Variants in MCC observed in about 807,000 individuals in gnomAD.
MCC encodes the protein MCC regulator of Wnt signaling pathway, also known as colorectal mutant cancer protein.
Under a neutral mutation model 116.2 loss-of-function variants are expected in MCC, and 90 were observed. That is an observed-to-expected ratio of 0.77 (90% confidence interval 0.65 to 0.92). The LOEUF (loss-of-function observed/expected upper bound fraction) is 0.92, where lower values mean the gene tolerates loss of function less well. Among genes scored for constraint, MCC ranks in the 40% least tolerant of loss-of-function variants. The pLI is 0.00. For synonymous variants in MCC, 578 were observed against 510.5 expected (o/e 1.13, Z -1.78); for missense variants, 1,516 against 1,312.2 (o/e 1.16, Z -2.40).
Position 113,049,206 on chromosome 5 carries a change from G to T in MCC, c.2542C>A (p.Gln848Lys). ...LKLSTREAQE[Q>K]AYLVHIEHLK... is the part of the protein sequence containing the mutation. ...TGCTCAATGTGCACCAGGTAGGCCTGCTCCTGGGCCTCCCGCGTGCTCAGC... is the reference window on the plus strand; with the variant it reads ...TGCTCAATGTGCACCAGGTAGGCCTTCTCCTGGGCCTCCCGCGTGCTCAGC... Residue 848 changes from glutamine to lysine, a missense_variant, in exon 16 of 19, where the codon CAG (glutamine) becomes AAG (lysine). By Grantham distance (53) the Gln-to-Lys change is moderately conservative. Transcript: ENST00000408903. 2.5e-6 allele frequency: 4 copies of T among 1,614,164 alleles called. No individual in the cohort carries two copies. The highest frequency in any genetic ancestry group is 3.4e-6 in the Non-Finnish European group (4 of 1,180,024).
At chr5:113,080,704 A>T (rs957235588) in intron 11 of MCC, among the ~76,000 whole-genome samples, 1 of 152,040 alleles carries the variant, frequency 6.6e-6, no homozygotes, top group Non-Finnish European at 1.5e-5. Flanking sequence ...CCTAATGTAA[A>T]TGATGAGTTG....
chr5:113,134,935 C>A (rs1477613277), intron 5 of MCC, among the ~76,000 whole-genome samples: 1 of 137,244 alleles, frequency 7.3e-6, no homozygotes, highest in Admixed American at 8.2e-5. Context: ...TTGTAGAGAA[C>A]TTTTACTTCT....
In MCC at chr5:113,209,361, G is replaced by A. The variant is rs191883421; in HGVS notation, c.628-57939C>T. On this transcript the variant is annotated intron_variant, in intron 3 of 18. Coordinates refer to ENST00000408903, the MANE Select transcript of MCC (RefSeq NM_001085377.2). ...ATTGTCATATATCAATGGCTCCCCA[G>A]TCAGTCATGCTCTGCCTAAGCAACA... 9.8e-4 allele frequency among the ~76,000 whole-genome samples: 149 copies of A among 152,272 alleles called. 1 individual carries two copies. The highest frequency in any genetic ancestry group is 3.5e-3 in the African/African-American group (147 of 41,530).
intron 1 of MCC, among the ~76,000 whole-genome samples, chr5:113,463,359 T>A (rs891968518): frequency 6.6e-6 from 1 of 152,114 alleles, no homozygotes; most frequent in South Asian, 2.1e-4. Flanking sequence ...AAAGGAGAGA[T>A]GGGAAGGCCA....
intron 3 of MCC, among the ~76,000 whole-genome samples, chr5:113,163,225 A>G (rs923194817): frequency 1.3e-5 from 2 of 152,224 alleles, no homozygotes; most frequent in Non-Finnish European, 2.9e-5. Context: ...TCTCAATAGT[A>G]CAAAAGAGAG....
chr5:113,486,248 T>C (rs1248311683), intron 1 of MCC, among the ~76,000 whole-genome samples: 1 of 152,220 alleles, frequency 6.6e-6, no homozygotes, highest in Non-Finnish European at 1.5e-5. Flanking sequence ...TTACTACACA[T>C]ACCTTGAAAC....
chr5:113,155,123 A>G (rs751323119), intron 3 of MCC, among the ~76,000 whole-genome samples: 1 of 152,158 alleles, frequency 6.6e-6, no homozygotes, highest in Non-Finnish European at 1.5e-5. Context: ...AGTATGAGTA[A>G]GATCATGTGA....
intron 3 of MCC, among the ~76,000 whole-genome samples, chr5:113,176,378 T>A (rs973256394): frequency 6.6e-6 from 1 of 152,236 alleles, no homozygotes; most frequent in Non-Finnish European, 1.5e-5. Context: ...TGAAAAGTTA[T>A]CTCTTGCAGC....
At chr5:113,068,885 A>G (rs1753819292) in intron 12 of MCC, among the ~76,000 whole-genome samples, 1 of 152,182 alleles carries the variant, frequency 6.6e-6, no homozygotes, top group Admixed American at 6.5e-5. Context: ...CTGAACCAGA[A>G]CCACCTACTA....
chr5:113,397,996 A>C (rs1477711070), intron 1 of MCC, among the ~76,000 whole-genome samples: 3 of 152,222 alleles, frequency 2.0e-5, no homozygotes, highest in African/African-American at 7.2e-5. Flanking sequence ...TGAGCAAAAA[A>C]CAAATAACTT....
At chr5:113,346,467 G>T (rs1768135070) in intron 2 of MCC, among the ~76,000 whole-genome samples, 1 of 152,058 alleles carries the variant, frequency 6.6e-6, no homozygotes, top group South Asian at 2.1e-4. Context: ...CAGGCGTAGT[G>T]GTGGGCACCT....
chr5:113,093,343 C>T (rs568609646), intron 8 of MCC, among the ~76,000 whole-genome samples: 3 of 152,242 alleles, frequency 2.0e-5, no homozygotes, highest in African/African-American at 7.2e-5. Flanking sequence ...GCTTGCTATG[C>T]AGGAGGATCG....
Position 113,026,872 on chromosome 5 carries a change from A to T in MCC, c.*430T>A, listed in dbSNP as rs1210350289. 2 of 158,364 alleles carry T rather than the reference A, an allele frequency of 1.3e-5. No homozygotes were observed. The highest frequency in any genetic ancestry group is 1.3e-4 in the Admixed American group (2 of 15,724). 9.8% of individuals were successfully genotyped at this position (158,364 alleles called of 1,614,324 possible). ...GCACACACAGGTCTGTTTTCCCATG[A>T]AGCAGGAGGAAAGAGGAGAAACGAG... On this transcript the variant is annotated 3_prime_UTR_variant, in exon 19 of 19. Coordinates refer to ENST00000408903, the MANE Select transcript of MCC (RefSeq NM_001085377.2).
At chr5:113,118,521 G>C (rs1166155548) in intron 6 of MCC, among the ~76,000 whole-genome samples, 1 of 152,194 alleles carries the variant, frequency 6.6e-6, no homozygotes, top group Non-Finnish European at 1.5e-5. Flanking sequence ...TCTGATGGGT[G>C]GTTATGAAAA....
At chr5:113,131,185 T>G (rs1314231198) in intron 5 of MCC, among the ~76,000 whole-genome samples, 1 of 152,208 alleles carries the variant, frequency 6.6e-6, no homozygotes, top group Non-Finnish European at 1.5e-5. Flanking sequence ...TGAGAGTAGC[T>G]TATAGAAAAG....
chr5:113,170,464 G>A (rs937577200), intron 3 of MCC, among the ~76,000 whole-genome samples: 13 of 151,952 alleles, frequency 8.6e-5, no homozygotes, highest in East Asian at 3.9e-4. Flanking sequence ...TTTCTGTGGC[G>A]TCATTAAAGT....
At chr5:113,285,144 T>G (rs1004737814) in intron 3 of MCC, among the ~76,000 whole-genome samples, 1 of 152,196 alleles carries the variant, frequency 6.6e-6, no homozygotes, top group Non-Finnish European at 1.5e-5. Flanking sequence ...ATAATTACTT[T>G]TGACTACAGA....
At chr5:113,410,132 T>C (rs566570393) in intron 1 of MCC, among the ~76,000 whole-genome samples, 440 of 152,318 alleles carry the variant, frequency 2.9e-3, no homozygotes, top group Middle Eastern at 0.01. Flanking sequence ...CTGAACATAC[T>C]GTTTTATAAC....
chr5:113,049,266 G>A lies in MCC; in HGVS notation c.2482C>T (p.Leu828=), dbSNP rs1752328849. The stretch of plus-strand genomic sequence containing the variant: ...AGGGCCTTCTTCTCTTTCTCCAGTA[G>A]GTAGAGCTGGGCCTTCAACTCGGCC... ...EMAELKAQLY[L]LEKEKKALEL... is the part of the protein sequence containing the mutation. Residue 828 remains leucine, a synonymous_variant, in exon 16 of 19, where the codon CTA becomes TTA. Transcript: ENST00000408903. 1 of 1,609,366 alleles carries A rather than the reference G, an allele frequency of 6.2e-7. No individual in the cohort carries two copies. Among genetic ancestry groups the A allele is most frequent in the African/African-American group, 1.3e-5 (1 of 74,874 alleles).
Sources: allele counts gnomAD v4.1 joint callset (sites outside exome capture counted in the v4.1 genomes callset), GRCh38; gene constraint gnomAD v4.1.1; transcripts MANE v1.5; gene names NCBI Gene and HGNC (gene_info 2026-07-23, HGNC 2026-07-21).